Variants in DCUN1D4 observed in about 807,000 individuals in gnomAD.
DCUN1D4 encodes defective in cullin neddylation 1 domain containing 4, also known as DCN1-like protein 4.
In DCUN1D4, 22 loss-of-function variants were observed where a neutral mutation model predicts 47.9. That is an observed-to-expected ratio of 0.46 (90% confidence interval 0.33 to 0.66). The LOEUF is 0.66. DCUN1D4 is among the 30% of genes least tolerant of loss of function. The probability of loss-of-function intolerance (pLI) is 0.02; values close to 1 mark genes in which losing one functional copy is unlikely to be tolerated. For missense variants in DCUN1D4, 301 were observed against 340.8 expected (o/e 0.88, Z 0.92); for synonymous variants, 121 against 112.2 (o/e 1.08, Z -0.50).
At chr4:51,877,973 C>T in intron 5 of DCUN1D4, 119 bp downstream of exon 5, 1 of 539,928 alleles carries the variant, frequency 1.9e-6, no homozygotes, top group East Asian at 3.3e-5. Context: ...GTGTGTGTGT[C>T]CCTGTTAGAG....
intron 1 of DCUN1D4, among the ~76,000 whole-genome samples, chr4:51,854,690 G>A (rs562530843): frequency 6.6e-6 from 1 of 152,292 alleles, no homozygotes; most frequent in African/African-American, 2.4e-5. Context: ...TGTCATTGCA[G>A]TCTTTGAGGT....
chr4:51,913,457 C>T, intron 10 of DCUN1D4, 65 bp downstream of exon 10: 1 of 1,575,300 alleles, frequency 6.3e-7, no homozygotes, highest in Non-Finnish European at 8.7e-7. Context: ...TTGGGAAAAG[C>T]CTCAGCTACA....
At chr4:51,910,913 C>T (rs889583064) in intron 8 of DCUN1D4, 157 bp from the exon 9 acceptor site, 7 of 652,476 alleles carry the variant, frequency 1.1e-5, no homozygotes, top group African/African-American at 3.7e-5. Context: ...TGTTTGACTA[C>T]CTCCCCTCCC....
intron 8 of DCUN1D4, among the ~76,000 whole-genome samples, chr4:51,906,755 G>A (rs181770832): frequency 1.9e-3 from 290 of 152,268 alleles, no homozygotes; most frequent in Non-Finnish European, 3.1e-3. Flanking sequence ...AGGCATATTT[G>A]CTCAGCAGTT....
intron 8 of DCUN1D4, among the ~76,000 whole-genome samples, chr4:51,905,916 G>A (rs972227583): frequency 2.6e-5 from 4 of 152,138 alleles, no homozygotes; most frequent in Admixed American, 2.0e-4. Context: ...AGCCCTGGTG[G>A]AGTGATCGAG....
At chr4:51,884,708 TG>T (rs1480435209) in intron 5 of DCUN1D4, among the ~76,000 whole-genome samples, 3 of 152,176 alleles carry the variant, frequency 2.0e-5, no homozygotes, top group Non-Finnish European at 4.4e-5. Context: ...TTGAATGCAG[TG>T]TGCTAAATGT....
intron 8 of DCUN1D4, among the ~76,000 whole-genome samples, chr4:51,909,785 A>G (rs1402113257): frequency 3.3e-5 from 5 of 152,246 alleles, no homozygotes; most frequent in Non-Finnish European, 7.3e-5. Flanking sequence ...ATTCATGGAC[A>G]GTCGTTACAC....
chr4:51,910,925 A>G, intron 8 of DCUN1D4, 145 bp from the exon 9 acceptor site: 1 of 725,116 alleles, frequency 1.4e-6, no homozygotes, highest in Non-Finnish European at 2.3e-6. Context: ...TCCCCTCCCT[A>G]ACCTTAGTCT....
intron 8 of DCUN1D4, among the ~76,000 whole-genome samples, chr4:51,910,301 A>G (rs1003169243): frequency 6.6e-5 from 10 of 152,190 alleles, no homozygotes; most frequent in Non-Finnish European, 1.0e-4. Context: ...TTAATTGCAA[A>G]TGTAAGTGGA....
At chr4:51,842,826 G>T (rs1224010415), upstream of DCUN1D4, among the ~76,000 whole-genome samples, 1 of 152,140 alleles carries the variant, frequency 6.6e-6, no homozygotes, top group East Asian at 1.9e-4. Flanking sequence ...AATCCCGCCC[G>T]CCACTGGGCG....
intron 5 of DCUN1D4, among the ~76,000 whole-genome samples, chr4:51,886,051 T>C (rs778962277): frequency 6.6e-6 from 1 of 152,180 alleles, no homozygotes; most frequent in Non-Finnish European, 1.5e-5. Flanking sequence ...AGAGATGGAA[T>C]GTGTGGACGC....
chr4:51,860,634 T>G (rs1237504463), intron 1 of DCUN1D4: 1 of 455,382 alleles, frequency 2.2e-6, no homozygotes, highest in South Asian at 1.6e-5. Context: ...GCACACCACA[T>G]GGCGAAAGCA....
intron 1 of DCUN1D4, 114 bp downstream of exon 1, chr4:51,843,381 T>C (rs1277702626): frequency 1.5e-6 from 2 of 1,364,870 alleles, no homozygotes; most frequent in East Asian, 6.2e-5. Context: ...CGGGAGCCCC[T>C]GCCTGGGAAC....
chr4:51,886,929 A>G (rs903191123), intron 6 of DCUN1D4: 17 of 423,342 alleles, frequency 4.0e-5, no homozygotes, highest in South Asian at 1.3e-4. Context: ...ACAATGACGG[A>G]TCAACTGGAG....
At chr4:51,837,692 T>C in the DCUN1D4 span, among the ~76,000 whole-genome samples, 5 of 140,062 alleles carry the variant, frequency 3.6e-5, no homozygotes, top group African/African-American at 1.4e-4. Flanking sequence ...AAAAGAAATC[T>C]TAGAAGTTAG....
chr4:51,897,627 T>C (rs974493975), intron 7 of DCUN1D4, among the ~76,000 whole-genome samples: 3 of 152,212 alleles, frequency 2.0e-5, no homozygotes, highest in African/African-American at 7.2e-5. Flanking sequence ...ACTGTATCAC[T>C]TACTGGTAAA....
intron 3 of DCUN1D4, 76 bp from the exon 4 acceptor site, chr4:51,874,195 G>A (rs865936066): frequency 2.4e-6 from 2 of 848,560 alleles, no homozygotes; most frequent in South Asian, 2.1e-5. Context: ...GTTTAAATTA[G>A]CAGTACTGTT....
chr4:51,890,183 A>G (rs536869069), intron 6 of DCUN1D4, among the ~76,000 whole-genome samples: 1 of 152,206 alleles, frequency 6.6e-6, no homozygotes, highest in East Asian at 1.9e-4. Context: ...TGAATCTCCT[A>G]ACTACTCTTG....
At chr4:51,845,293 T>TG in intron 1 of DCUN1D4, 1 of 984,944 alleles carries the variant, frequency 1.0e-6, no homozygotes, top group Non-Finnish European at 1.2e-6. Context: ...TGGTATTTCT[T>TG]GGGGTGTTTG....
Sources: gnomAD v4.1 joint callset for allele counts (sites outside exome capture counted in the v4.1 genomes callset) on GRCh38, gnomAD v4.1.1 for gene constraint, MANE v1.5 for transcripts, NCBI Gene and HGNC (gene_info 2026-07-23, HGNC 2026-07-21) for gene names.